Variants in AGBL4 observed in about 807,000 individuals in gnomAD.
AGBL4 encodes the protein cytosolic carboxypeptidase 6.
In AGBL4, 58 loss-of-function variants were observed where a neutral mutation model predicts 66.4. That is an observed-to-expected ratio of 0.87 (90% CI 0.71 to 1.09). The LOEUF is 1.09. AGBL4 is among the 50% of genes least tolerant of loss of function. The pLI, the probability that AGBL4 is intolerant of heterozygous loss-of-function variation, is 0.00. For synonymous variants in AGBL4, 234 were observed against 222.9 expected, an observed-to-expected ratio of 1.05 and a Z score of -0.44; for missense variants, 579 against 631.0, an observed-to-expected ratio of 0.92 and a Z score of 0.88.
At chr1:49,569,912 AT>A (rs1644292880) in intron 3 of AGBL4, among the ~76,000 whole-genome samples, 1 of 152,116 alleles carries the variant, frequency 6.6e-6, no homozygotes, top group Non-Finnish European at 1.5e-5. Flanking sequence ...AAAAGACATG[AT>A]TTCATTCTTT....
intron 3 of AGBL4, among the ~76,000 whole-genome samples, chr1:49,361,228 C>T (rs1644128587): frequency 6.6e-6 from 1 of 152,100 alleles, no homozygotes; most frequent in African/African-American, 2.4e-5. Context: ...ATTTAAAAAG[C>T]TTTTAATTTT....
intron 4 of AGBL4, among the ~76,000 whole-genome samples, chr1:49,166,036 G>C (rs1646628042): frequency 6.6e-6 from 1 of 152,010 alleles, no homozygotes; most frequent in Non-Finnish European, 1.5e-5. Context: ...AGCTAACAAG[G>C]CATTCTAATT....
intron 6 of AGBL4, among the ~76,000 whole-genome samples, chr1:48,861,816 G>A (rs1344509892): frequency 6.6e-6 from 1 of 152,160 alleles, no homozygotes; most frequent in African/African-American, 2.4e-5. Context: ...AATGAATATG[G>A]TGACAACCAA....
chr1:49,413,515 T>C (rs973213635), intron 3 of AGBL4, among the ~76,000 whole-genome samples: 7 of 152,236 alleles, frequency 4.6e-5, no homozygotes, highest in African/African-American at 1.7e-4. Flanking sequence ...CAATGCCTTT[T>C]CCTAGACCTG....
chr1:49,152,375 G>A (rs567524766), intron 4 of AGBL4, among the ~76,000 whole-genome samples: 3 of 152,122 alleles, frequency 2.0e-5, no homozygotes, highest in South Asian at 2.1e-4. Context: ...TGTCAGTCAC[G>A]TGTGGAACCT....
intron 3 of AGBL4, among the ~76,000 whole-genome samples, chr1:49,285,761 G>A (rs1644390502): frequency 6.6e-6 from 1 of 152,236 alleles, no homozygotes; most frequent in South Asian, 2.1e-4. Flanking sequence ...AAATAAACTA[G>A]AAAATCTAGA....
chr1:49,593,134 C>A (rs571245750), intron 3 of AGBL4, among the ~76,000 whole-genome samples: 1 of 152,090 alleles, frequency 6.6e-6, no homozygotes, highest in South Asian at 2.1e-4. Context: ...CTAGGCTGGG[C>A]GCGGTGTCTC....
intron 5 of AGBL4, among the ~76,000 whole-genome samples, chr1:48,869,531 G>A (rs188204946): frequency 2.0e-5 from 3 of 152,224 alleles, no homozygotes; most frequent in East Asian, 3.9e-4. Context: ...ATTGCTAAAC[G>A]GCAACTCTGT....
At chr1:49,396,881 G>A (rs1175685541) in intron 3 of AGBL4, among the ~76,000 whole-genome samples, 1 of 152,114 alleles carries the variant, frequency 6.6e-6, no homozygotes, top group Non-Finnish European at 1.5e-5. Flanking sequence ...ACATTCTCTA[G>A]GCCAGTGGTC....
rs183078953 is a variant in AGBL4 at position 48,976,859 on chromosome 1, C to G, written c.594+68725G>C. 1.2e-4 allele frequency among the ~76,000 whole-genome samples: 18 copies of G among 152,206 alleles called. No homozygotes were observed. In the East Asian group the frequency reaches 3.5e-3, roughly 29 times the overall value. ...GACCATCCCACCTAAAGTTGCAACACTCTTTCCAGATTTTATATCACCCTC... is the reference window on the plus strand; with the variant it reads ...GACCATCCCACCTAAAGTTGCAACAGTCTTTCCAGATTTTATATCACCCTC... On this transcript the variant is annotated intron_variant, in intron 5 of 13. Coordinates refer to ENST00000371839, the MANE Select transcript of AGBL4 (RefSeq NM_032785.4).
At chr1:48,722,274 C>G (rs1647164216) in intron 6 of AGBL4, among the ~76,000 whole-genome samples, 1 of 151,974 alleles carries the variant, frequency 6.6e-6, no homozygotes, top group South Asian at 2.1e-4. Flanking sequence ...AATGCAAAGT[C>G]CTGTATTTCA....
At chr1:49,016,308 G>A (rs1662821221) in intron 5 of AGBL4, among the ~76,000 whole-genome samples, 1 of 152,146 alleles carries the variant, frequency 6.6e-6, no homozygotes, top group African/African-American at 2.4e-5. Context: ...ATCACTGGGG[G>A]TTACTCATCC....
chr1:49,885,113 C>G (rs1374607368), intron 1 of AGBL4, among the ~76,000 whole-genome samples: 4 of 151,882 alleles, frequency 2.6e-5, no homozygotes, highest in African/African-American at 9.7e-5. Flanking sequence ...TTAAAACTGA[C>G]CTTTTTATAT....
At chr1:49,132,546 C>A (rs991036426) in intron 4 of AGBL4, among the ~76,000 whole-genome samples, 4 of 152,050 alleles carry the variant, frequency 2.6e-5, no homozygotes, top group Admixed American at 6.6e-5. Context: ...TGACCAAGTT[C>A]TATGCCACTG....
chr1:49,848,819 T>G (rs1284355169), intron 2 of AGBL4, among the ~76,000 whole-genome samples: 2 of 152,140 alleles, frequency 1.3e-5, no homozygotes, highest in African/African-American at 4.8e-5. Context: ...AATAAAAAAC[T>G]TTAGGTGCTA....
chr1:49,725,414 G>A (rs971037175), intron 2 of AGBL4, among the ~76,000 whole-genome samples: 5 of 152,104 alleles, frequency 3.3e-5, no homozygotes, highest in Admixed American at 1.3e-4. Flanking sequence ...AGAAATCTCC[G>A]TGGCTTACAA....
intron 3 of AGBL4, among the ~76,000 whole-genome samples, chr1:49,623,913 G>C (rs1490757983): frequency 6.6e-6 from 1 of 152,038 alleles, no homozygotes; most frequent in Admixed American, 6.6e-5. Context: ...GTGGACTTTT[G>C]GGCAAGTTAC....
chr1:48,647,749 C>T, intron 8 of AGBL4: 1 of 330,066 alleles, frequency 3.0e-6, no homozygotes, highest in South Asian at 2.4e-5. Flanking sequence ...GCTTTCTTCT[C>T]TGCAAAAGAA....
At chr1:49,160,571 G>C (rs1197914914) in intron 4 of AGBL4, among the ~76,000 whole-genome samples, 1 of 152,126 alleles carries the variant, frequency 6.6e-6, no homozygotes, top group Admixed American at 6.5e-5. Flanking sequence ...AGCAGAGTTC[G>C]AACACTGTGC....
Sources: allele counts gnomAD v4.1 joint callset (sites outside exome capture counted in the v4.1 genomes callset), GRCh38; gene constraint gnomAD v4.1.1; transcripts MANE v1.5; gene names NCBI Gene and HGNC (gene_info 2026-07-23, HGNC 2026-07-21).